Variants in CBX3 observed in about 807,000 individuals in gnomAD.
CBX3 encodes the protein chromobox protein homolog 3.
CBX3 carries 5 observed loss-of-function variants against 22.6 expected under a neutral mutation model. That is an observed-to-expected ratio of 0.22 (90% CI 0.12 to 0.47). CBX3 has a LOEUF of 0.47. Ranked by LOEUF, CBX3 falls within the 20% of genes least tolerant of loss-of-function variation. CBX3 has a pLI of 0.99. For missense variants in CBX3, 83 were observed against 208.1 expected, an observed-to-expected ratio of 0.40 and a Z score of 3.70; for synonymous variants, 50 against 66.6, an observed-to-expected ratio of 0.75 and a Z score of 1.21.
At chr7:26,205,826 C>T (rs942915875) in intron 2 of CBX3, among the ~76,000 whole-genome samples, 3 of 152,240 alleles carry the variant, frequency 2.0e-5, no homozygotes, top group African/African-American at 7.2e-5. Flanking sequence ...TGGCTCACGC[C>T]TGTAATGCCA....
intron 3 of CBX3, among the ~76,000 whole-genome samples, chr7:26,206,794 A>G (rs1333326902): frequency 3.9e-5 from 6 of 152,192 alleles, no homozygotes; most frequent in Non-Finnish European, 7.3e-5. Flanking sequence ...GTGGTTAGAT[A>G]TTACACTAAT....
At position 26,212,780 on chromosome 7, in the gene CBX3, A is replaced by G. The variant is rs1784838460; in HGVS notation, c.*572A>G. 1 of 152,286 alleles carries G rather than the reference A, an allele frequency of 6.6e-6. No individual in the cohort carries two copies. Among genetic ancestry groups the G allele is most frequent in the Non-Finnish European group, 1.5e-5 (1 of 68,056 alleles). The allele number at this position is 152,286 out of a possible 1,614,324, so 9.4% of individuals were successfully genotyped here. ...TCCTGAAACCATACATTTCAAGTGA[A>G]ATAAGTAATTCTAGATAGGACAATT... On this transcript the variant is annotated 3_prime_UTR_variant, in exon 6 of 6. Transcript: ENST00000396386.
In CBX3 at chr7:26,209,421, A is replaced by T. The variant is rs555802564; in HGVS notation, c.330+866A>T. 3.7e-4 allele frequency among the ~76,000 whole-genome samples: 57 copies of T among 152,260 alleles called. 1 individual carries two copies. Among genetic ancestry groups the T allele is most frequent in the African/African-American group, 1.4e-3 (57 of 41,542 alleles). ...TCCCTGATCAGACCAATTACCTGTGATCCAAGGCTAGCAATCTTAAATACA... is the reference window on the plus strand; with the variant it reads ...TCCCTGATCAGACCAATTACCTGTGTTCCAAGGCTAGCAATCTTAAATACA... On this transcript the variant is annotated intron_variant, in intron 4 of 5. Coordinates refer to ENST00000396386, the MANE Select transcript of CBX3 (RefSeq NM_016587.4).
chr7:26,204,617 T>G (rs1784633353), intron 2 of CBX3, among the ~76,000 whole-genome samples: 1 of 152,226 alleles, frequency 6.6e-6, no homozygotes, highest in Admixed American at 6.5e-5. Context: ...TTTGCAGTCT[T>G]GAGGCCTTTC....
intron 2 of CBX3, among the ~76,000 whole-genome samples, chr7:26,205,884 G>T (rs534275369): frequency 3.3e-5 from 5 of 152,336 alleles, no homozygotes; most frequent in Admixed American, 3.3e-4. Context: ...TCAGGAGTTT[G>T]AGACCAGCCT....
intron 1 of CBX3, chr7:26,202,039 C>G (rs538498956): frequency 2.6e-5 from 4 of 151,680 alleles, no homozygotes; most frequent in African/African-American, 9.7e-5. Flanking sequence ...ACTGCTCTGC[C>G]CTCGAGGGGG....
intron 2 of CBX3, among the ~76,000 whole-genome samples, chr7:26,203,680 A>G (rs1484730512): frequency 1.3e-5 from 2 of 152,214 alleles, no homozygotes; most frequent in Non-Finnish European, 2.9e-5. Context: ...CATAAAAATC[A>G]TGAAATTCAA....
chr7:26,203,729 T>G (rs1784606455), intron 2 of CBX3, among the ~76,000 whole-genome samples: 1 of 152,196 alleles, frequency 6.6e-6, no homozygotes, highest in South Asian at 2.1e-4. Context: ...GCATTAATCT[T>G]AAACACGTAA....
intron 2 of CBX3, 121 bp from the exon 3 acceptor site, chr7:26,206,247 C>G (rs982383814): frequency 5.7e-5 from 36 of 630,180 alleles, no homozygotes; most frequent in Middle Eastern, 8.5e-4. Context: ...AAGGTGTCTG[C>G]CCTGGGATAT....
At chr7:26,209,686 C>G (rs1193944721) in intron 4 of CBX3, among the ~76,000 whole-genome samples, 2 of 152,132 alleles carry the variant, frequency 1.3e-5, no homozygotes, top group Admixed American at 6.5e-5. Context: ...TTGGTCCAGT[C>G]TTTGCTTTAC....
At chr7:26,204,846 A>G (rs933107163) in intron 2 of CBX3, among the ~76,000 whole-genome samples, 2 of 152,086 alleles carry the variant, frequency 1.3e-5, no homozygotes, top group Non-Finnish European at 2.9e-5. Context: ...CTAGAGTGCA[A>G]TGGCGTGATC....
intron 3 of CBX3, among the ~76,000 whole-genome samples, chr7:26,207,079 G>A (rs1300083271): frequency 6.6e-6 from 1 of 152,068 alleles, no homozygotes; most frequent in Non-Finnish European, 1.5e-5. Flanking sequence ...TTAACGCTTG[G>A]GGTTTGTTGT....
At chr7:26,204,493 A>G (rs1478620586) in intron 2 of CBX3, among the ~76,000 whole-genome samples, 2 of 152,212 alleles carry the variant, frequency 1.3e-5, no homozygotes, top group African/African-American at 4.8e-5. Context: ...CACCTGACTT[A>G]GAAATGGTAT....
chr7:26,211,581 T>C (rs1584041910), intron 4 of CBX3, 81 bp from the exon 5 acceptor site: 1 of 814,826 alleles, frequency 1.2e-6, no homozygotes, highest in East Asian at 2.6e-5. Context: ...ATCTCACTAT[T>C]GGAATGTTTT....
At chr7:26,202,944 T>C in intron 1 of CBX3, 27 bp from the exon 2 acceptor site, 1 of 1,454,996 alleles carries the variant, frequency 6.9e-7, no homozygotes, top group Non-Finnish European at 9.6e-7. Context: ...CATGCAAACT[T>C]ACCTTAACTG....
chr7:26,205,807 C>T (rs935465668), intron 2 of CBX3, among the ~76,000 whole-genome samples: 2 of 152,172 alleles, frequency 1.3e-5, no homozygotes, highest in Non-Finnish European at 2.9e-5. Context: ...ACTACAGGGC[C>T]GGGCGCAGTG....
intron 3 of CBX3, among the ~76,000 whole-genome samples, chr7:26,207,090 G>C (rs1372302581): frequency 2.6e-5 from 4 of 152,114 alleles, no homozygotes; most frequent in Admixed American, 2.0e-4. Flanking sequence ...GGTTTGTTGT[G>C]CTTATCTGCT....
Position 26,208,305 on chromosome 7 carries a change from C to A in CBX3, c.168-88C>A, listed in dbSNP as rs879789842. ...GCAGTACAGAGGACTTTTTATTCCC[C>A]CGGGTGTCTATTAAAATAGATCTGG... On this transcript the variant is annotated intron_variant, in intron 3 of 5. Transcript: ENST00000396386. 6 of 1,090,900 alleles carry A rather than the reference C, an allele frequency of 5.5e-6. No homozygotes were observed. In the Admixed American group the frequency reaches 1.6e-4, roughly 30 times the overall value. The allele number at this position is 1,090,900 out of a possible 1,614,324, so 67.6% of individuals were successfully genotyped here.
At chr7:26,202,937 G>A in intron 1 of CBX3, 34 bp from the exon 2 acceptor site, 1 of 1,381,690 alleles carries the variant, frequency 7.2e-7, no homozygotes, top group Non-Finnish European at 1.0e-6. Context: ...TTTGTGTCAT[G>A]CAAACTTACC....
Sources: gnomAD v4.1 joint callset for allele counts (sites outside exome capture counted in the v4.1 genomes callset) on GRCh38, gnomAD v4.1.1 for gene constraint, MANE v1.5 for transcripts, NCBI Gene and HGNC (gene_info 2026-07-23, HGNC 2026-07-21) for gene names.